TMEM171: variants seen among roughly 807,000 people sequenced by gnomAD.
The protein encoded by TMEM171 is proline-rich protein PRP2.
In TMEM171, 16 loss-of-function variants were observed where a neutral mutation model predicts 19.1. The observed-to-expected ratio is 0.84, with a 90% CI of 0.57 to 1.27. The LOEUF is 1.27. Ranked by LOEUF, TMEM171 falls within the 50% of genes most tolerant of loss-of-function variation. The pLI is 0.00. For missense variants in TMEM171, 429 were observed against 412.7 expected (o/e 1.04, Z -0.34); for synonymous variants, 153 against 163.4 (o/e 0.94, Z 0.48).
chr5:73,129,677 G>A (rs894637697), intron 3 of TMEM171, among the ~76,000 whole-genome samples: 7 of 152,216 alleles, frequency 4.6e-5, no homozygotes, highest in African/African-American at 1.7e-4. Context: ...ATCAGACTGA[G>A]CACCAGGACT....
intron 1 of TMEM171, among the ~76,000 whole-genome samples, chr5:73,122,639 T>C (rs1350537744): frequency 6.6e-6 from 1 of 152,212 alleles, no homozygotes. Context: ...GCTCAAGCAA[T>C]CTGCCTGCCT....
chr5:73,123,351 C>T lies in TMEM171; in HGVS notation c.-23C>T, dbSNP rs1216288791. Reference sequence around the variant, plus strand: ...GAAGAAAACACATCCCACCCTGCCTCCGGGAAGGGGCCTCTCCTGGACATG... The same window carrying T: ...GAAGAAAACACATCCCACCCTGCCTTCGGGAAGGGGCCTCTCCTGGACATG... On this transcript the variant is annotated 5_prime_UTR_variant, in exon 2 of 4. Transcript: ENST00000454765. 1 of 1,586,054 alleles carries T rather than the reference C, an allele frequency of 6.3e-7. No homozygotes were observed. The highest frequency in any genetic ancestry group is 1.3e-5 in the African/African-American group (1 of 74,274).
Position 73,123,617 on chromosome 5 carries a change from C to T in TMEM171, c.244C>T (p.Gln82Ter), listed in dbSNP as rs1389033191. Residue 82 changes from glutamine to a stop codon, truncating the protein, a stop_gained, in exon 2 of 4, where the codon CAA becomes TAA. Transcript: ENST00000454765. LOFTEE classifies it high-confidence loss of function. ...GAVILARSRAQLQLRAGLQRG... is the reference protein window; with the variant it reads ...GAVILARSRA The stretch of plus-strand genomic sequence containing the variant: ...TGTGATCCTGGCCCGCTCCCGGGCG[C>T]AACTTCAGCTCCGTGCAGGGCTGCA... 2 of 1,614,214 alleles carry T rather than the reference C, an allele frequency of 1.2e-6. No homozygotes were observed. Among genetic ancestry groups the T allele is most frequent in the Non-Finnish European group, 1.7e-6 (2 of 1,180,038 alleles).
chr5:73,127,384 A>AAAAATATATATATATATATAT, intron 2 of TMEM171, among the ~76,000 whole-genome samples: 1 of 81,694 alleles, frequency 1.2e-5, no homozygotes, highest in African/African-American at 6.6e-5. Context: ...AAAAAAAAAA[A>AAAAATATATATATATATATAT]ATATATATAT....
At chr5:73,129,919 G>T (rs1376463069) in intron 3 of TMEM171, among the ~76,000 whole-genome samples, 1 of 152,342 alleles carries the variant, frequency 6.6e-6, no homozygotes, top group African/African-American at 2.4e-5. Context: ...ACCCCACACA[G>T]AATGCAGCGA....
At chr5:73,120,796 G>A in intron 1 of TMEM171, 100 bp downstream of exon 1, 38 of 962,102 alleles carry the variant, frequency 3.9e-5, no homozygotes, top group Non-Finnish European at 4.6e-5. Context: ...GCGCGGAGGC[G>A]CTGGGTATCC....
At chr5:73,130,405 G>A (rs1163659885) in intron 3 of TMEM171, among the ~76,000 whole-genome samples, 1 of 152,202 alleles carries the variant, frequency 6.6e-6, no homozygotes, top group Non-Finnish European at 1.5e-5. Flanking sequence ...GGGTGAAGCA[G>A]GTAAGACAAT....
At chr5:73,131,042 A>G (rs1466997819) in intron 3 of TMEM171, among the ~76,000 whole-genome samples, 1 of 152,212 alleles carries the variant, frequency 6.6e-6, no homozygotes, top group African/African-American at 2.4e-5. Flanking sequence ...CCAAGATCAC[A>G]CAGCTGGGAA....
At chr5:73,129,947 C>T (rs1026847605) in intron 3 of TMEM171, among the ~76,000 whole-genome samples, 1 of 152,150 alleles carries the variant, frequency 6.6e-6, no homozygotes, top group African/African-American at 2.4e-5. Flanking sequence ...TCTAGTGGGA[C>T]GGGCCTGAGG....
rs1040782714 is a variant in TMEM171, at chr5:73,129,612, A to G, written c.782+1081A>G. Among the ~76,000 whole-genome samples, 5 of 152,160 alleles carry G rather than the reference A, an allele frequency of 3.3e-5. No homozygotes were observed. In the South Asian group the frequency reaches 6.2e-4, roughly 19 times the overall value. ...CGCGCCACTGCACTCCAGCCTGGGC[A>G]ACAGAGAGAGACTCTATCTCAGGGG... is the stretch of plus-strand genomic sequence containing the variant. On this transcript the variant is annotated intron_variant, in intron 3 of 3. Coordinates refer to ENST00000454765, the MANE Select transcript of TMEM171 (RefSeq NM_173490.8).
intron 2 of TMEM171, among the ~76,000 whole-genome samples, chr5:73,125,909 C>T (rs1185829263): frequency 3.3e-5 from 5 of 152,142 alleles, no homozygotes; most frequent in African/African-American, 9.7e-5. Context: ...TTTTAGAATC[C>T]AAGAAGCATG....
At chr5:73,126,024 C>T (rs999061231) in intron 2 of TMEM171, among the ~76,000 whole-genome samples, 4 of 152,182 alleles carry the variant, frequency 2.6e-5, no homozygotes. Flanking sequence ...CAGAGGACAT[C>T]AAGTTCTGAA....
chr5:73,129,068 C>G (rs1744264889), intron 3 of TMEM171, among the ~76,000 whole-genome samples: 1 of 152,130 alleles, frequency 6.6e-6, no homozygotes, highest in Non-Finnish European at 1.5e-5. Flanking sequence ...TGTCCACGTA[C>G]TTTGTGTTTT....
In TMEM171 at chr5:73,131,587, A is replaced by G; in HGVS notation, c.832A>G (p.Ile278Val). Residue 278 changes from isoleucine (I) to valine (V), a missense_variant, in exon 4 of 4, where the codon ATA becomes GTA. Ile to Val is a conservative substitution (Grantham distance 29). Coordinates refer to ENST00000454765, the MANE Select transcript of TMEM171 (RefSeq NM_173490.8). ...AGCCTCTGAAAGAGACTGTGAATCT[A>G]TATATACCATTTCTGGGACGAATTC... ...GAASERDCES[I>V]YTISGTNSSS... 2 of 1,613,594 alleles carry G rather than the reference A, an allele frequency of 1.2e-6. No homozygotes were observed. The highest frequency in any genetic ancestry group is 1.7e-6 in the Non-Finnish European group (2 of 1,179,852).
intron 2 of TMEM171, among the ~76,000 whole-genome samples, chr5:73,127,742 G>C (rs1744214685): frequency 7.5e-6 from 1 of 132,950 alleles, no homozygotes; most frequent in Non-Finnish European, 1.6e-5. Flanking sequence ...ACCACGCCTG[G>C]CTTTTTTTTT....
At position 73,128,480 on chromosome 5, in the gene TMEM171, G is replaced by A; in HGVS notation, c.731G>A (p.Ser244Asn). 6.2e-7 allele frequency: 1 copy of A among 1,614,002 alleles called. No individual in the cohort carries two copies. The highest frequency in any genetic ancestry group is 1.1e-5 in the South Asian group (1 of 91,078). The change falls in exon 3 of 4, where the codon AGT becomes AAT. Residue 244 changes from serine (S) to asparagine (N), a missense_variant. Transcript: ENST00000454765. ...SAVAESPGTNSLLPNENPPSY... is the reference protein window; with the variant it reads ...SAVAESPGTNNLLPNENPPSY... Reference sequence around the variant, plus strand: ...GTCGCTGAGAGTCCTGGAACTAACAGTCTGCTTCCGAATGAAAACCCCCCT... The same window carrying A: ...GTCGCTGAGAGTCCTGGAACTAACAATCTGCTTCCGAATGAAAACCCCCCT...
intron 2 of TMEM171, 21 bp from the exon 3 acceptor site, chr5:73,128,369 C>T: frequency 6.2e-7 from 1 of 1,610,244 alleles, no homozygotes; most frequent in Non-Finnish European, 8.5e-7. Flanking sequence ...CTGTTGTCAA[C>T]TAAATATTGT....
intron 3 of TMEM171, among the ~76,000 whole-genome samples, chr5:73,130,408 A>G (rs1049106766): frequency 4.6e-5 from 7 of 152,210 alleles, no homozygotes; most frequent in Non-Finnish European, 1.0e-4. Context: ...TGAAGCAGGT[A>G]AGACAATGAG....
intron 1 of TMEM171, among the ~76,000 whole-genome samples, chr5:73,121,593 C>A (rs1744009230): frequency 6.6e-6 from 1 of 152,230 alleles, no homozygotes. Flanking sequence ...AATGCTTTGT[C>A]TCAGCTTAAC....
Sources: gnomAD v4.1 joint callset for allele counts (sites outside exome capture counted in the v4.1 genomes callset) on GRCh38, gnomAD v4.1.1 for gene constraint, MANE v1.5 for transcripts, NCBI Gene and HGNC (gene_info 2026-07-23, HGNC 2026-07-21) for gene names.